ITGA8: variants seen among roughly 807,000 people sequenced by gnomAD.
ITGA8 encodes integrin subunit alpha 8, also known as integrin alpha-8.
ITGA8 carries 91 observed loss-of-function variants against 142.3 expected under a neutral mutation model. That is an observed-to-expected ratio of 0.64 (90% CI 0.54 to 0.76). ITGA8 has a LOEUF of 0.76. Ranked by LOEUF, ITGA8 falls within the 30% of genes least tolerant of loss-of-function variation. The pLI is 0.00. For synonymous variants in ITGA8, 505 were observed against 485.2 expected (o/e 1.04, Z -0.54); for missense variants, 1,406 against 1,327.7 (o/e 1.06, Z -0.92).
chr10:15,607,582 G>T, intron 17 of ITGA8, 95 bp downstream of exon 17: 1 of 1,144,612 alleles, frequency 8.7e-7, no homozygotes. Flanking sequence ...ACAGATGGGG[G>T]TCTATGCAGA....
At chr10:15,629,524 T>A (rs1190003394) in intron 13 of ITGA8, among the ~76,000 whole-genome samples, 1 of 151,992 alleles carries the variant, frequency 6.6e-6, no homozygotes, top group Non-Finnish European at 1.5e-5. Flanking sequence ...GCAGATTCAC[T>A]GAGCCAGACA....
At chr10:15,710,990 A>C (rs1835353583) in intron 2 of ITGA8, among the ~76,000 whole-genome samples, 1 of 152,228 alleles carries the variant, frequency 6.6e-6, no homozygotes, top group African/African-American at 2.4e-5. Flanking sequence ...GAGCTGAAGA[A>C]GAAAACTGAC....
chr10:15,543,472 T>G (rs1833611267), intron 27 of ITGA8, among the ~76,000 whole-genome samples: 1 of 152,244 alleles, frequency 6.6e-6, no homozygotes, highest in Non-Finnish European at 1.5e-5. Context: ...AGCCTTCAGA[T>G]GACTTCAGCC....
chr10:15,647,556 G>A (rs911288962), intron 11 of ITGA8, among the ~76,000 whole-genome samples: 2 of 142,584 alleles, frequency 1.4e-5, no homozygotes, highest in African/African-American at 5.2e-5. Flanking sequence ...TCCGCTTCCC[G>A]GGTTCACGCC....
intron 27 of ITGA8, among the ~76,000 whole-genome samples, chr10:15,532,433 A>AAAAAAAGAAG (rs1257914794): frequency 6.7e-6 from 1 of 148,440 alleles, no homozygotes; most frequent in Non-Finnish European, 1.5e-5. Context: ...AAAAAAAAAA[A>AAAAAAAGAAG]AAAAAAAAAA....
At position 15,646,977 on chromosome 10, in the gene ITGA8, T is replaced by C. The variant is rs763635382; in HGVS notation, c.1076A>G (p.Gln359Arg). The change falls in exon 12 of 30, where the codon CAA (glutamine) becomes CGA (arginine). Residue 359 changes from glutamine (Q) to arginine (R), a missense_variant. Physicochemically the swap from Gln to Arg is conservative, Grantham distance 43. Transcript: ENST00000378076. ...EFESNPREVGQIYLYLQVSSL... is the reference protein window; with the variant it reads ...EFESNPREVGRIYLYLQVSSL... ...GCTCACTTGCAAATACAGGTAGATT[T>C]GCCCTACTTCTCTGGGGTTGCTCTC... 6.2e-7 allele frequency: 1 copy of C among 1,614,130 alleles called. No individual in the cohort carries two copies. Among genetic ancestry groups the C allele is most frequent in the Non-Finnish European group, 8.5e-7 (1 of 1,180,034 alleles).
At chr10:15,526,325 C>T (rs1457205771) in intron 28 of ITGA8, among the ~76,000 whole-genome samples, 1 of 151,970 alleles carries the variant, frequency 6.6e-6, no homozygotes, top group Non-Finnish European at 1.5e-5. Context: ...TACAGGCATG[C>T]GCCACCATGC....
In ITGA8 at chr10:15,608,235, C is replaced by T; in HGVS notation, c.1609G>A (p.Val537Ile). 6.3e-7 allele frequency: 1 copy of T among 1,591,034 alleles called. No homozygotes were observed. Among genetic ancestry groups the T allele is most frequent in the Non-Finnish European group, 8.6e-7 (1 of 1,166,116 alleles). The change falls in exon 16 of 30, where the codon GTC becomes ATC. Residue 537 changes from valine to isoleucine, a missense_variant and splice_region_variant. Coordinates refer to ENST00000378076, the MANE Select transcript of ITGA8 (RefSeq NM_003638.3). ...VTGQSIANTI[V>I]LMAEVQLDSL... is the part of the protein sequence containing the mutation. ...AATGTAAAAATGAAAACATGCTTAC[C>T]TATTGTGTTTGCAATGCTCTGGCCT...
At chr10:15,576,543 C>A (rs1053284876) in intron 23 of ITGA8, among the ~76,000 whole-genome samples, 1 of 152,176 alleles carries the variant, frequency 6.6e-6, no homozygotes, top group Non-Finnish European at 1.5e-5. Flanking sequence ...GAAAACATCT[C>A]TTTTGGCAAT....
At chr10:15,568,020 C>G (rs1834109166) in intron 25 of ITGA8, among the ~76,000 whole-genome samples, 2 of 152,156 alleles carry the variant, frequency 1.3e-5, no homozygotes, top group African/African-American at 4.8e-5. Context: ...TCAAGTAATT[C>G]TCCTTTCTCA....
At position 15,517,008 on chromosome 10, in the gene ITGA8, C is replaced by T. The variant is rs114259561; in HGVS notation, c.*150G>A. 3.3e-3 allele frequency: 1,731 copies of T among 520,388 alleles called. 25 individuals carry two copies. Among genetic ancestry groups the T allele is most frequent in the African/African-American group, 0.032 (1,616 of 50,268 alleles). The allele number at this position is 520,388 out of a possible 1,614,324, so 32.2% of individuals were successfully genotyped here. A position where few individuals can be genotyped will look rare whatever the true frequency, so the allele number is the denominator to read the frequency against. ...CACCCAGGACAATTTCTCCAAAGTGCGGTGTAGATGAGGTGATGTTTCCAG... is the reference window on the plus strand; with the variant it reads ...CACCCAGGACAATTTCTCCAAAGTGTGGTGTAGATGAGGTGATGTTTCCAG... On this transcript the variant is annotated 3_prime_UTR_variant, in exon 30 of 30. Coordinates refer to ENST00000378076, the MANE Select transcript of ITGA8 (RefSeq NM_003638.3).
intron 8 of ITGA8, among the ~76,000 whole-genome samples, chr10:15,663,591 G>A (rs547561007): frequency 2.0e-5 from 3 of 148,422 alleles, no homozygotes; most frequent in South Asian, 2.1e-4. Flanking sequence ...TTTTTTGGAC[G>A]AGATCTGAGT....
chr10:15,555,225 A>G (rs546474409), intron 26 of ITGA8, among the ~76,000 whole-genome samples: 2 of 152,348 alleles, frequency 1.3e-5, no homozygotes, highest in South Asian at 2.1e-4. Flanking sequence ...ACGGCTTGCA[A>G]TATATCATTG....
At chr10:15,565,792 G>T (rs1246901578) in intron 25 of ITGA8, among the ~76,000 whole-genome samples, 2 of 151,614 alleles carry the variant, frequency 1.3e-5, no homozygotes, top group African/African-American at 4.9e-5. Flanking sequence ...GTTTTGCCAT[G>T]GTTGCCAGGC....
intron 23 of ITGA8, among the ~76,000 whole-genome samples, chr10:15,582,724 G>C (rs1176539909): frequency 6.6e-6 from 1 of 152,242 alleles, no homozygotes; most frequent in Non-Finnish European, 1.5e-5. Flanking sequence ...TAAAAACTCA[G>C]TGGAACACTA....
At position 15,644,433 on chromosome 10, in the gene ITGA8, AATATATATAT is replaced by A. The variant is rs57868499; in HGVS notation, c.1208-222_1208-213del. On this transcript the variant is annotated intron_variant, in intron 12 of 29. Coordinates refer to ENST00000378076, the MANE Select transcript of ITGA8 (RefSeq NM_003638.3). The stretch of plus-strand genomic sequence containing the variant: ...CAGGTGCATACCACCATGTCAGGCT[AATATATATAT>A]ATATATATATATATATATATATATA... Among the ~76,000 whole-genome samples the A allele has an allele frequency of 6.6e-3, 279 of 42,418 alleles. 5 individuals are homozygous for A. Among genetic ancestry groups the A allele is most frequent in the Non-Finnish European group, 9.1e-3 (221 of 24,344 alleles). The allele number at this position is 42,418 out of a possible 152,430, so 27.8% of individuals were successfully genotyped here.
Position 15,548,590 on chromosome 10 carries a change from C to T in ITGA8, c.2767-22G>A, listed in dbSNP as rs370286365. On this transcript the variant is annotated intron_variant, in intron 26 of 29. Transcript: ENST00000378076. ...AATTCTGCAAACAGCAGTGGGAACA[C>T]GTCAGAGTCTTTAAATCATGGTAGA... is the stretch of plus-strand genomic sequence containing the variant. 159 of 1,482,240 alleles carry T rather than the reference C, an allele frequency of 1.1e-4. 4 individuals carry two copies. Among genetic ancestry groups the T allele is most frequent in the Middle Eastern group, 3.4e-4 (2 of 5,804 alleles). 91.8% of individuals were successfully genotyped at this position (1,482,240 alleles called of 1,614,324 possible).
intron 20 of ITGA8, among the ~76,000 whole-genome samples, chr10:15,602,479 TATA>T (rs1833120944): frequency 6.6e-6 from 1 of 152,124 alleles, no homozygotes; most frequent in Non-Finnish European, 1.5e-5. Flanking sequence ...GGCTCGTGCC[TATA>T]ATATCAGCGC....
intron 2 of ITGA8, among the ~76,000 whole-genome samples, chr10:15,716,554 C>A (rs1835455297): frequency 6.6e-6 from 1 of 152,180 alleles, no homozygotes; most frequent in African/African-American, 2.4e-5. Flanking sequence ...AAATGCATTC[C>A]TGTGGGCTAT....
Sources: allele counts gnomAD v4.1 joint callset (sites outside exome capture counted in the v4.1 genomes callset), GRCh38; gene constraint gnomAD v4.1.1; transcripts MANE v1.5; gene names NCBI Gene and HGNC (gene_info 2026-07-23, HGNC 2026-07-21).